The following CRYBG1 variants were observed in gnomAD, a reference collection of about 807,000 sequenced individuals.
CRYBG1 encodes the protein crystallin beta-gamma domain containing 1, also known as beta/gamma crystallin domain-containing protein 1.
Under a neutral mutation model 189.2 loss-of-function variants are expected in CRYBG1, and 139 were observed. The ratio of observed to expected loss-of-function variants is 0.73; its 90% CI spans 0.64 to 0.85. The LOEUF is 0.85. Ranked by LOEUF, CRYBG1 falls within the 40% of genes least tolerant of loss-of-function variation. The probability of loss-of-function intolerance (pLI) is 0.00; values close to 1 mark genes in which losing one functional copy is unlikely to be tolerated. For synonymous variants in CRYBG1, 1,023 were observed against 1,017.1 expected (o/e 1.01, Z -0.11); for missense variants, 2,611 against 2,675.8 (o/e 0.98, Z 0.53).
chr6:106,450,660 T>C (rs1361801172), intron 1 of CRYBG1, among the ~76,000 whole-genome samples: 1 of 152,196 alleles, frequency 6.6e-6, no homozygotes, highest in Non-Finnish European at 1.5e-5. Context: ...AAGAGATAGG[T>C]ATTTCCTCTC....
chr6:106,566,714 T>A (rs1007247417), intron 21 of CRYBG1, among the ~76,000 whole-genome samples: 1 of 152,018 alleles, frequency 6.6e-6, no homozygotes, highest in Non-Finnish European at 1.5e-5. Flanking sequence ...CTTGTGGACA[T>A]GAGAGAGCAG....
chr6:106,435,246 G>T (rs1335508479), intron 1 of CRYBG1, among the ~76,000 whole-genome samples: 1 of 151,986 alleles, frequency 6.6e-6, no homozygotes, highest in African/African-American at 2.4e-5. Context: ...GCTTACTACA[G>T]CCTCAAACTC....
rs370167263 is a variant in CRYBG1 at position 106,556,937 on chromosome 6, A to G, written c.5715+1040A>G. 1.3e-3 allele frequency among the ~76,000 whole-genome samples: 205 copies of G among 152,330 alleles called. No homozygotes were observed. The South Asian group carries it at 0.016, about 12-fold the overall frequency. ...CCTAGAATTCTAAAAGCTACCTACA[A>G]GTATATATTTGAAAATTTCAATGCC... On this transcript the variant is annotated intron_variant, in intron 17 of 21. Coordinates refer to ENST00000633556, the MANE Select transcript of CRYBG1 (RefSeq NM_001371242.2).
At chr6:106,426,698 G>A (rs1477525885) in intron 1 of CRYBG1, among the ~76,000 whole-genome samples, 1 of 152,178 alleles carries the variant, frequency 6.6e-6, no homozygotes, top group Non-Finnish European at 1.5e-5. Context: ...AGAGGAGAAT[G>A]CCTGTTCCCT....
intron 16 of CRYBG1, among the ~76,000 whole-genome samples, chr6:106,554,353 C>T (rs1774483027): frequency 6.6e-6 from 1 of 152,188 alleles, no homozygotes; most frequent in Non-Finnish European, 1.5e-5. Flanking sequence ...GTGGCTCCTG[C>T]CTGTAATCCC....
At chr6:106,364,311 G>C (rs1350574187) in intron 1 of CRYBG1, among the ~76,000 whole-genome samples, 1 of 148,426 alleles carries the variant, frequency 6.7e-6, no homozygotes, top group African/African-American at 2.5e-5. Context: ...TGGGCAACAA[G>C]AGTGAAACTC....
intron 1 of CRYBG1, among the ~76,000 whole-genome samples, chr6:106,435,906 C>T (rs1193053054): frequency 3.9e-5 from 6 of 151,938 alleles, no homozygotes; most frequent in Admixed American, 3.9e-4. Flanking sequence ...TGGAAACCAT[C>T]CAAGAAAAAA....
chr6:106,536,356 G>A (rs9486384), intron 8 of CRYBG1, among the ~76,000 whole-genome samples: 45,693 of 152,074 alleles, frequency 0.3, 7,191 homozygotes, highest in South Asian at 0.37. Context: ...TTAAAGTGGT[G>A]CCTCCTCCAT....
chr6:106,368,048 CAT>C (rs747846056), intron 1 of CRYBG1, among the ~76,000 whole-genome samples: 5 of 152,236 alleles, frequency 3.3e-5, no homozygotes, highest in Non-Finnish European at 7.4e-5. Flanking sequence ...ATGTAGTAAA[CAT>C]ATTAGATATT....
In CRYBG1 at chr6:106,511,784, G is replaced by A; in HGVS notation, c.667G>A (p.Ala223Thr). The A allele has an allele frequency of 1.3e-6, 2 of 1,534,004 alleles. No homozygotes were observed. Among genetic ancestry groups the A allele is most frequent in the South Asian group, 1.2e-5 (1 of 83,852 alleles). Residue 223 changes from alanine (A) to threonine (T), a missense_variant, in exon 3 of 22, where the codon GCT (alanine) becomes ACT (threonine). Transcript: ENST00000633556. ...CTGGAGCAGCAGTGCAGCGGCTGTG[G>A]CTGTGCAGCAGTGCCATGAAAATGA... The part of the protein sequence containing the change: ...PRWSSSAAAV[A>T]VQQCHENDSP...
At position 106,512,352 on chromosome 6, in the gene CRYBG1, G is replaced by A. The variant is rs1257370578; in HGVS notation, c.1235G>A (p.Arg412Lys). 1 of 1,611,340 alleles carries A rather than the reference G, an allele frequency of 6.2e-7. No individual in the cohort carries two copies. Among genetic ancestry groups the A allele is most frequent in the Non-Finnish European group, 8.5e-7 (1 of 1,179,430 alleles). Reference sequence around the variant, plus strand: ...GGTGACTGGGACGACATGGAGAAGAGGTCCAGCGGCCGTAGGTCGGGGAGG... The same window carrying A: ...GGTGACTGGGACGACATGGAGAAGAAGTCCAGCGGCCGTAGGTCGGGGAGG... ...DCGDWDDMEK[R>K]SSGRRSGRRR... is the part of the protein sequence containing the mutation. The change falls in exon 3 of 22, where the codon AGG becomes AAG. Residue 412 changes from arginine to lysine, a missense_variant. Arg to Lys is a conservative substitution (Grantham distance 26, BLOSUM62 2). Transcript: ENST00000633556.
intron 19 of CRYBG1, 26 bp from the exon 20 acceptor site, chr6:106,561,316 C>A: frequency 6.2e-7 from 1 of 1,609,622 alleles, no homozygotes; most frequent in Non-Finnish European, 8.5e-7. Context: ...TCTGGTATAA[C>A]AACTGCTGGG....
At chr6:106,526,975 A>C (rs945080306) in intron 6 of CRYBG1, among the ~76,000 whole-genome samples, 2 of 151,646 alleles carry the variant, frequency 1.3e-5, no homozygotes, top group African/African-American at 2.4e-5. Flanking sequence ...AAAAAAAAAA[A>C]AACCTAGTAC....
intron 1 of CRYBG1, among the ~76,000 whole-genome samples, chr6:106,396,078 T>C (rs1050298616): frequency 7.2e-5 from 11 of 152,200 alleles, no homozygotes; most frequent in African/African-American, 2.7e-4. Context: ...TCCTAGTCCC[T>C]AGATATAAGA....
rs149002742 is a variant in CRYBG1 at position 106,553,643 on chromosome 6, A to G, written c.5585+76A>G. The G allele has an allele frequency of 7.1e-5, 71 of 1,001,824 alleles. 1 individual carries two copies. The East Asian group carries it at 1.4e-3, about 19-fold the overall frequency. The allele number at this position is 1,001,824 out of a possible 1,614,324, so 62.1% of individuals were successfully genotyped here. A position where few individuals can be genotyped will look rare whatever the true frequency, so the allele number is the denominator to read the frequency against. On this transcript the variant is annotated intron_variant, in intron 16 of 21. Transcript: ENST00000633556. ...TTCACACATCAGCAAGTATATAGTGATGCCTGTTAGGTGCTTGGCACTATG... is the reference window on the plus strand; with the variant it reads ...TTCACACATCAGCAAGTATATAGTGGTGCCTGTTAGGTGCTTGGCACTATG...
chr6:106,382,239 G>A (rs561186726), intron 1 of CRYBG1, among the ~76,000 whole-genome samples: 1 of 152,330 alleles, frequency 6.6e-6, no homozygotes, highest in East Asian at 1.9e-4. Context: ...CTAGGACATA[G>A]CACTTTAAGG....
rs1771497251 is a variant in CRYBG1 at position 106,438,121 on chromosome 6, A to G, written c.174-13573A>G. On this transcript the variant is annotated intron_variant, in intron 1 of 21. Coordinates refer to ENST00000633556, the MANE Select transcript of CRYBG1 (RefSeq NM_001371242.2). The stretch of plus-strand genomic sequence containing the variant: ...GCTTAGTAGAGTGCTTTACTAAGAG[A>G]CAGCCCATTCTACACCTCCCTGGAA... Among the ~76,000 whole-genome samples the G allele has an allele frequency of 3.3e-5, 5 of 152,286 alleles. No individual in the cohort carries two copies. In the South Asian group the frequency reaches 1.0e-3, roughly 32 times the overall value.
At chr6:106,422,340 A>ATTTTTTTTTTTTTTTTTTTTTTTTTTTTT (rs747540246) in intron 1 of CRYBG1, among the ~76,000 whole-genome samples, 1 of 68,286 alleles carries the variant, frequency 1.5e-5, no homozygotes, top group African/African-American at 4.6e-5. Context: ...TTATTTATTT[A>ATTTTTTTTTTTTTTTTTTTTTTTTTTTTT]TTTATTTTTG....
intron 1 of CRYBG1, among the ~76,000 whole-genome samples, chr6:106,385,802 C>T (rs999260657): frequency 2.6e-5 from 4 of 152,128 alleles, no homozygotes; most frequent in African/African-American, 9.7e-5. Context: ...CACAGCCTCT[C>T]TTAAAAATTC....
Sources: allele counts gnomAD v4.1 joint callset (sites outside exome capture counted in the v4.1 genomes callset), GRCh38; gene constraint gnomAD v4.1.1; transcripts MANE v1.5; gene names NCBI Gene and HGNC (gene_info 2026-07-23, HGNC 2026-07-21).